The following NUP107 variants were observed in gnomAD, a reference collection of about 807,000 sequenced individuals.
The protein encoded by NUP107 is nucleoporin 107.
In NUP107, 101 loss-of-function variants were observed where a neutral mutation model predicts 141.0. The observed-to-expected ratio is 0.72, with a 90% CI of 0.61 to 0.84. The LOEUF (loss-of-function observed/expected upper bound fraction) is 0.84. NUP107 is among the 40% of genes least tolerant of loss of function. The pLI is 0.00. For missense variants in NUP107, 941 were observed against 1,102.7 expected, an observed-to-expected ratio of 0.85 and a Z score of 2.08; for synonymous variants, 319 against 363.9, an observed-to-expected ratio of 0.88 and a Z score of 1.41.
chr12:68,692,161 A>T (rs200709820), intron 5 of NUP107, 49 bp downstream of exon 5: 72 of 1,484,322 alleles, frequency 4.9e-5, no homozygotes, highest in Admixed American at 1.9e-4. Flanking sequence ...CTTTAGCAAG[A>T]TGAAGGAAAC....
At chr12:68,731,769 T>C in intron 22 of NUP107, 50 bp downstream of exon 22, 1 of 1,015,808 alleles carries the variant, frequency 9.8e-7, no homozygotes, top group South Asian at 1.5e-5. Context: ...AATAATCTTT[T>C]ATGTTATTCC....
chr12:68,710,180 T>A lies in NUP107; in HGVS notation c.890+87T>A. The A allele has an allele frequency of 5.7e-6, 4 of 696,530 alleles. No homozygotes were observed. The South Asian group carries it at 6.5e-5, about 11-fold the overall frequency. The allele number at this position is 696,530 out of a possible 1,614,324, so 43.1% of individuals were successfully genotyped here. A position where few individuals can be genotyped will look rare whatever the true frequency, so the allele number is the denominator to read the frequency against. On this transcript the variant is annotated intron_variant, in intron 10 of 27. Transcript: ENST00000229179. ...AATAAGTATTATTCAGTTTTTACTT[T>A]GTTCACACTACTTTGTTCACACTAC...
At chr12:68,691,860 G>T (rs542651808) in intron 4 of NUP107, 108 bp from the exon 5 acceptor site, 2 of 748,792 alleles carry the variant, frequency 2.7e-6, no homozygotes, top group African/African-American at 1.8e-5. Flanking sequence ...AAAAAAAGAC[G>T]CATACATACA....
At chr12:68,714,679 A>G (rs1565694932) in intron 11 of NUP107, among the ~76,000 whole-genome samples, 2 of 152,244 alleles carry the variant, frequency 1.3e-5, no homozygotes, top group Non-Finnish European at 2.9e-5. Flanking sequence ...TCCATCATGT[A>G]GATCATGTGT....
rs952210364 is a variant in NUP107, at chr12:68,745,212, T to C, written c.*2750T>C. On this transcript the variant is annotated 3_prime_UTR_variant, in exon 28 of 28. Coordinates refer to ENST00000229179, the MANE Select transcript of NUP107 (RefSeq NM_020401.4). The stretch of plus-strand genomic sequence containing the variant: ...ACTACAGGCCCACGCCACCATGCCC[T>C]ACTTCCTCATTTATTTTAAATTTTT... 9.2e-5 allele frequency: 14 copies of C among 152,214 alleles called. 1 individual carries two copies. Among genetic ancestry groups the C allele is most frequent in the Admixed American group, 7.9e-4 (12 of 15,286 alleles). The allele number at this position is 152,214 out of a possible 1,614,324, so 9.4% of individuals were successfully genotyped here.
chr12:68,732,793 C>T (rs2136045796), intron 23 of NUP107, 54 bp downstream of exon 23: 1 of 1,194,130 alleles, frequency 8.4e-7, no homozygotes, highest in Non-Finnish European at 1.2e-6. Flanking sequence ...CTTCTTCCTA[C>T]CTCAGCCTCC....
intron 10 of NUP107, among the ~76,000 whole-genome samples, chr12:68,712,630 G>GT (rs1334874936): frequency 7.2e-6 from 1 of 139,618 alleles, no homozygotes; most frequent in Non-Finnish European, 1.6e-5. Flanking sequence ...TTTTTTTTTT[G>GT]TTTTTTGTTT....
intron 24 of NUP107, 48 bp from the exon 25 acceptor site, chr12:68,734,660 G>A: frequency 7.2e-7 from 1 of 1,391,804 alleles, no homozygotes; most frequent in South Asian, 1.5e-5. Flanking sequence ...CGATAAAAGT[G>A]AAAACTTTTG....
chr12:68,708,308 T>G (rs1876691406), intron 8 of NUP107, among the ~76,000 whole-genome samples: 1 of 152,106 alleles, frequency 6.6e-6, no homozygotes, highest in Non-Finnish European at 1.5e-5. Context: ...ATGAAGATAT[T>G]TTTATGAAAT....
chr12:68,715,222 G>A (rs1236104745), intron 11 of NUP107, among the ~76,000 whole-genome samples: 5 of 152,168 alleles, frequency 3.3e-5, no homozygotes, highest in Admixed American at 2.0e-4. Context: ...TCAGCCAGGC[G>A]CAGTGGTTCA....
At chr12:68,724,134 G>GT (rs955739184) in intron 17 of NUP107, among the ~76,000 whole-genome samples, 28 of 148,508 alleles carry the variant, frequency 1.9e-4, no homozygotes, top group South Asian at 2.1e-4. Flanking sequence ...ACAAGACAAC[G>GT]TTTTTTTTTT....
At chr12:68,721,546 A>G (rs959330905) in intron 15 of NUP107, among the ~76,000 whole-genome samples, 6 of 152,166 alleles carry the variant, frequency 3.9e-5, no homozygotes, top group Non-Finnish European at 8.8e-5. Context: ...CTCACAACCC[A>G]CTACTCCCTA....
intron 17 of NUP107, among the ~76,000 whole-genome samples, chr12:68,723,227 G>T (rs1005411899): frequency 6.6e-6 from 1 of 151,886 alleles, no homozygotes; most frequent in South Asian, 2.1e-4. Context: ...AATTAGCTGG[G>T]TATGGTGGTG....
chr12:68,724,614 A>C (rs1034712377), intron 17 of NUP107, among the ~76,000 whole-genome samples: 2 of 151,762 alleles, frequency 1.3e-5, no homozygotes, highest in African/African-American at 4.8e-5. Context: ...CCATCTCTAC[A>C]AAAAAAATTT....
chr12:68,706,119 A>C, intron 8 of NUP107: 1 of 767,800 alleles, frequency 1.3e-6, no homozygotes, highest in African/African-American at 1.7e-5. Flanking sequence ...CTGAAGCTGG[A>C]GGTGGAACTT....
intron 1 of NUP107, chr12:68,687,456 A>G: frequency 9.4e-7 from 1 of 1,066,070 alleles, no homozygotes; most frequent in Non-Finnish European, 1.1e-6. Context: ...TCTGATTACA[A>G]GTGCCAGCAT....
At chr12:68,700,683 A>T (rs756458816) in intron 6 of NUP107, 43 bp from the exon 7 acceptor site, 2 of 1,440,466 alleles carry the variant, frequency 1.4e-6, no homozygotes, top group Non-Finnish European at 1.9e-6. Flanking sequence ...GTGACTCAAA[A>T]TTGTAGAAAA....
intron 6 of NUP107, among the ~76,000 whole-genome samples, chr12:68,698,864 C>T (rs1490933717): frequency 6.6e-6 from 1 of 152,046 alleles, no homozygotes; most frequent in Non-Finnish European, 1.5e-5. Flanking sequence ...GGACACATGT[C>T]AGTATACATT....
rs373666468 is a variant in NUP107, at chr12:68,725,837, G to GTTTT, written c.1576+55_1576+58dup. The GTTTT allele has an allele frequency of 6.2e-3, 3,829 of 618,132 alleles. 5 individuals are homozygous for GTTTT. The highest frequency in any genetic ancestry group is 8.5e-3 in the South Asian group (398 of 46,612). 38.3% of individuals were successfully genotyped at this position (618,132 alleles called of 1,614,324 possible). ...ATTTTACTTTGTGTTTTTTGTGTGT[G>GTTTT]TTTTTTTTTTTTTTTTTGAGACAAA... On this transcript the variant is annotated intron_variant, in intron 18 of 27. Coordinates refer to ENST00000229179, the MANE Select transcript of NUP107 (RefSeq NM_020401.4).
Sources: allele counts gnomAD v4.1 joint callset (sites outside exome capture counted in the v4.1 genomes callset), GRCh38; gene constraint gnomAD v4.1.1; transcripts MANE v1.5; gene names NCBI Gene and HGNC (gene_info 2026-07-23, HGNC 2026-07-21).